Variants in DIS3L2 observed in about 807,000 individuals in gnomAD.
DIS3L2 encodes DIS3 like 3'-5' exoribonuclease 2.
Under a neutral mutation model 97.5 loss-of-function variants are expected in DIS3L2, and 34 were observed. That is an observed-to-expected ratio of 0.35 (90% CI 0.27 to 0.46). The LOEUF is 0.46. Among genes scored for constraint, DIS3L2 ranks in the 20% least tolerant of loss-of-function variants. The pLI is 1.00. For synonymous variants in DIS3L2, 435 were observed against 445.2 expected (o/e 0.98, Z 0.29); for missense variants, 1,038 against 1,146.0 (o/e 0.91, Z 1.36).
chr2:232,002,101 G>T (rs1693926106), intron 1 of DIS3L2, among the ~76,000 whole-genome samples: 1 of 152,090 alleles, frequency 6.6e-6, no homozygotes, highest in Admixed American at 6.6e-5. Context: ...TAGAAATCCG[G>T]TTCTCTCGGT....
rs188076972 is a variant in DIS3L2, at chr2:232,074,341, A to G, written c.367-13146A>G. Among the ~76,000 whole-genome samples the G allele has an allele frequency of 4.2e-3, 634 of 152,320 alleles. 8 individuals are homozygous for G. Among genetic ancestry groups the G allele is most frequent in the African/African-American group, 0.014 (597 of 41,564 alleles). On this transcript the variant is annotated intron_variant, in intron 5 of 20. Coordinates refer to ENST00000325385, the MANE Select transcript of DIS3L2 (RefSeq NM_152383.5). ...TTAATTTAGCTGGCTCTTGCTGCTT[A>G]GTATTTATTTCTCACTATTTTTTGC...
intron 6 of DIS3L2, among the ~76,000 whole-genome samples, chr2:232,099,795 A>G (rs1697140331): frequency 6.6e-6 from 1 of 152,174 alleles, no homozygotes; most frequent in South Asian, 2.1e-4. Context: ...TTCTTGTGCC[A>G]GTTTTGGCAT....
At chr2:232,288,681 T>C (rs1694514583) in intron 13 of DIS3L2, among the ~76,000 whole-genome samples, 1 of 152,270 alleles carries the variant, frequency 6.6e-6, no homozygotes, top group African/African-American at 2.4e-5. Context: ...ACAGCCAGCT[T>C]GATCACTGGC....
At chr2:232,222,614 G>T (rs926062132) in intron 10 of DIS3L2, among the ~76,000 whole-genome samples, 3 of 152,218 alleles carry the variant, frequency 2.0e-5, no homozygotes, top group Admixed American at 6.5e-5. Flanking sequence ...GGGACTACAG[G>T]CACCTGCCAC....
chr2:232,289,592 G>C (rs778623948), intron 13 of DIS3L2, among the ~76,000 whole-genome samples: 1 of 152,146 alleles, frequency 6.6e-6, no homozygotes, highest in Non-Finnish European at 1.5e-5. Context: ...ATTTTATAAG[G>C]CTATTTCTTA....
At chr2:232,263,063 C>G in intron 12 of DIS3L2, 144 bp from the exon 13 acceptor site, 1 of 842,584 alleles carries the variant, frequency 1.2e-6, no homozygotes. Context: ...ATCTGGGTGC[C>G]TAGCCTGAAC....
At chr2:232,203,341 C>G (rs968538520) in intron 9 of DIS3L2, among the ~76,000 whole-genome samples, 1 of 152,108 alleles carries the variant, frequency 6.6e-6, no homozygotes, top group African/African-American at 2.4e-5. Flanking sequence ...TGGAAGTGGT[C>G]CCTGAACCAC....
At chr2:232,142,959 A>C (rs1690111284) in intron 8 of DIS3L2, among the ~76,000 whole-genome samples, 1 of 152,218 alleles carries the variant, frequency 6.6e-6, no homozygotes, top group Admixed American at 6.5e-5. Context: ...GTATGAGAGC[A>C]TGTATTTAAG....
chr2:232,069,909 A>G (rs1695961480), intron 5 of DIS3L2, among the ~76,000 whole-genome samples: 1 of 152,198 alleles, frequency 6.6e-6, no homozygotes, highest in South Asian at 2.1e-4. Context: ...GTTTGTCTCA[A>G]TTACATAAGC....
At chr2:232,266,845 A>G (rs372322338) in intron 13 of DIS3L2, among the ~76,000 whole-genome samples, 8 of 152,202 alleles carry the variant, frequency 5.3e-5, no homozygotes, top group African/African-American at 1.9e-4. Context: ...GCTAGCCTCA[A>G]TTAGAGATGA....
At chr2:232,308,169 T>G (rs914825640) in intron 14 of DIS3L2, among the ~76,000 whole-genome samples, 1 of 152,228 alleles carries the variant, frequency 6.6e-6, no homozygotes, top group Non-Finnish European at 1.5e-5. Context: ...TGTGGCTGTG[T>G]TAGTTATAAA....
At chr2:232,189,010 A>G (rs1189173601) in intron 9 of DIS3L2, among the ~76,000 whole-genome samples, 2 of 152,224 alleles carry the variant, frequency 1.3e-5, no homozygotes, top group African/African-American at 4.8e-5. Context: ...TAAATTCACA[A>G]TATCAATACA....
chr2:232,175,637 G>T (rs1574927131), intron 9 of DIS3L2, among the ~76,000 whole-genome samples: 1 of 151,864 alleles, frequency 6.6e-6, no homozygotes, highest in South Asian at 2.1e-4. Flanking sequence ...TGAGTAAATT[G>T]CATGTCTCTA....
chr2:232,201,785 T>A (rs1357277177), intron 9 of DIS3L2, among the ~76,000 whole-genome samples: 1 of 152,060 alleles, frequency 6.6e-6, no homozygotes, highest in African/African-American at 2.4e-5. Flanking sequence ...TCTTGGTAAT[T>A]CAGATGTCAA....
chr2:232,166,450 C>T lies in DIS3L2; in HGVS notation c.1124+2818C>T, dbSNP rs548942525. 1.1e-4 allele frequency among the ~76,000 whole-genome samples: 16 copies of T among 152,190 alleles called. 1 individual carries two copies. The highest frequency in any genetic ancestry group is 3.1e-4 in the African/African-American group (13 of 41,536). On this transcript the variant is annotated intron_variant, in intron 9 of 20. Coordinates refer to ENST00000325385, the MANE Select transcript of DIS3L2 (RefSeq NM_152383.5). ...TTTAAAAAATTACTTTTGGGCCGGG[C>T]GCCGTGGCTCAACGCCTGTAATCCT...
At chr2:232,179,831 G>T (rs1691215784) in intron 9 of DIS3L2, among the ~76,000 whole-genome samples, 1 of 108,064 alleles carries the variant, frequency 9.3e-6, no homozygotes, top group African/African-American at 5.3e-5. Flanking sequence ...TCTGATTTTA[G>T]TTATTTCTTG....
At chr2:232,191,003 G>A (rs1282024204) in intron 9 of DIS3L2, among the ~76,000 whole-genome samples, 1 of 152,198 alleles carries the variant, frequency 6.6e-6, no homozygotes, top group African/African-American at 2.4e-5. Flanking sequence ...ACTGTGTTTA[G>A]CCATGAAGCT....
chr2:232,145,594 T>A (rs894518522), intron 8 of DIS3L2, among the ~76,000 whole-genome samples: 1 of 152,198 alleles, frequency 6.6e-6, no homozygotes, highest in East Asian at 1.9e-4. Context: ...ATAAAAGCAA[T>A]AGTAGCAGGC....
intron 5 of DIS3L2, among the ~76,000 whole-genome samples, chr2:232,044,969 G>C (rs1695198129): frequency 6.6e-6 from 1 of 152,154 alleles, no homozygotes; most frequent in African/African-American, 2.4e-5. Context: ...GGATGCTTTA[G>C]TGTATGGGGG....
Sources: gnomAD v4.1 joint callset for allele counts (sites outside exome capture counted in the v4.1 genomes callset) on GRCh38, gnomAD v4.1.1 for gene constraint, MANE v1.5 for transcripts, NCBI Gene and HGNC (gene_info 2026-07-23, HGNC 2026-07-21) for gene names.